PKD1L1: variants seen among roughly 807,000 people sequenced by gnomAD.
PKD1L1 encodes the protein polycystin 1 like 1, transient receptor potential channel interacting.
In PKD1L1, 236 loss-of-function variants were observed where a neutral mutation model predicts 323.4. That is an observed-to-expected ratio of 0.73 (90% CI 0.66 to 0.81). The LOEUF (loss-of-function observed/expected upper bound fraction) is 0.81. Ranked by LOEUF, PKD1L1 falls within the 40% of genes least tolerant of loss-of-function variation. The pLI is 0.00. For missense variants in PKD1L1, 3,320 were observed against 3,508.0 expected, an observed-to-expected ratio of 0.95 and a Z score of 1.35; for synonymous variants, 1,344 against 1,335.0, an observed-to-expected ratio of 1.01 and a Z score of -0.15.
At position 47,866,454 on chromosome 7, in the gene PKD1L1, T is replaced by G; in HGVS notation, c.4057A>C (p.Ile1353Leu). The G allele has an allele frequency of 6.2e-7, 1 of 1,613,696 alleles. No homozygotes were observed. Among genetic ancestry groups the G allele is most frequent in the Non-Finnish European group, 8.5e-7 (1 of 1,179,870 alleles). Residue 1353 changes from isoleucine to leucine, a missense_variant, in exon 25 of 57, where the codon ATT (isoleucine) becomes CTT (leucine). Coordinates refer to ENST00000289672, the MANE Select transcript of PKD1L1 (RefSeq NM_138295.5). ...AAAGCCAATCTGCATACTGAAGAAA[T>G]TAATGCATCCTGTATTCGTGACCAT... ...NQWSRIQDAL[I>L]SSVCRLAFVD...
chr7:47,954,341 A>G, the PKD1L1 span, among the ~76,000 whole-genome samples: 6 of 152,178 alleles, frequency 3.9e-5, no homozygotes, highest in Non-Finnish European at 5.9e-5. Context: ...CATAAGTTAG[A>G]AGCTTGGTCC....
chr7:47,849,386 GAAA>G (rs1785731894), intron 31 of PKD1L1, among the ~76,000 whole-genome samples: 1 of 152,100 alleles, frequency 6.6e-6, no homozygotes. Context: ...CAAAGCAAAA[GAAA>G]TAATCAGCAG....
At position 47,910,826 on chromosome 7, in the gene PKD1L1, T is replaced by TTGTGTGTGTGTGTGTGTGTGTG. The variant is rs60550498; in HGVS notation, c.1229-2598_1229-2577dup. ...TGTCCGCCACCACGCCCAGCTGATT[T>TTGTGTGTGTGTGTGTGTGTGTG]TGTGTGTGTGTGTGTGTGTGTGTGT... On this transcript the variant is annotated intron_variant, in intron 8 of 56. Coordinates refer to ENST00000289672, the MANE Select transcript of PKD1L1 (RefSeq NM_138295.5). 2.2e-3 allele frequency among the ~76,000 whole-genome samples: 273 copies of TTGTGTGTGTGTGTGTGTGTGTG among 126,116 alleles called. 5 individuals carry two copies. Among genetic ancestry groups the TTGTGTGTGTGTGTGTGTGTGTG allele is most frequent in the African/African-American group, 8.0e-3 (241 of 30,042 alleles). 82.7% of individuals were successfully genotyped at this position (126,116 alleles called of 152,430 possible). A position where few individuals can be genotyped will look rare whatever the true frequency, so the allele number is the denominator to read the frequency against.
chr7:47,944,006 GAC>G (rs1220060459), intron 1 of PKD1L1, among the ~76,000 whole-genome samples: 1 of 152,238 alleles, frequency 6.6e-6, no homozygotes, highest in East Asian at 1.9e-4. Context: ...TGCCAGCGCA[GAC>G]ACAGAGTAGG....
chr7:47,868,595 G>T (rs763940023), intron 24 of PKD1L1, among the ~76,000 whole-genome samples: 4 of 151,420 alleles, frequency 2.6e-5, no homozygotes, highest in Non-Finnish European at 4.4e-5. Flanking sequence ...CAGAAAACTG[G>T]CCAGGCGTGG....
intron 50 of PKD1L1, among the ~76,000 whole-genome samples, chr7:47,810,300 T>C (rs1363877518): frequency 1.3e-5 from 2 of 152,212 alleles, no homozygotes; most frequent in Non-Finnish European, 2.9e-5. Context: ...TGAGCCTTAT[T>C]GGAGCCTGAG....
chr7:47,960,189 A>G, the PKD1L1 span, among the ~76,000 whole-genome samples: 1 of 149,670 alleles, frequency 6.7e-6, no homozygotes, highest in African/African-American at 2.4e-5. Flanking sequence ...GTTAAGAGTC[A>G]TCACCACTCC....
chr7:47,861,873 T>C (rs1786034014), intron 26 of PKD1L1, among the ~76,000 whole-genome samples: 3 of 89,888 alleles, frequency 3.3e-5, no homozygotes, highest in Non-Finnish European at 6.0e-5. Flanking sequence ...AGAGCAAGAC[T>C]CTGTCTCAAA....
At chr7:47,902,639 A>AG in intron 12 of PKD1L1, 128 bp from the exon 13 acceptor site, 1 of 1,172,624 alleles carries the variant, frequency 8.5e-7, no homozygotes, top group South Asian at 1.5e-5. Flanking sequence ...CATGAATAAG[A>AG]ACAGAAGAGT....
chr7:47,843,215 G>A, intron 33 of PKD1L1, 46 bp from the exon 34 acceptor site: 1 of 1,461,884 alleles, frequency 6.8e-7, no homozygotes, highest in African/African-American at 1.4e-5. Context: ...CATGAAAATA[G>A]ACATATAGGA....
At chr7:47,947,581 T>C (rs983919844) in intron 1 of PKD1L1, among the ~76,000 whole-genome samples, 6 of 152,216 alleles carry the variant, frequency 3.9e-5, no homozygotes, top group Admixed American at 3.3e-4. Context: ...CACACTGCCA[T>C]GAGACAGTCA....
At chr7:47,883,714 G>T (rs1361445321) in intron 19 of PKD1L1, among the ~76,000 whole-genome samples, 1 of 152,236 alleles carries the variant, frequency 6.6e-6, no homozygotes, top group Non-Finnish European at 1.5e-5. Context: ...AGCTGAGGAG[G>T]ACTGTTGAAG....
intron 6 of PKD1L1, 152 bp from the exon 7 acceptor site, chr7:47,929,678 G>A: frequency 1.4e-6 from 1 of 705,152 alleles, no homozygotes. Context: ...TTCTCAGAGT[G>A]GGGTCCCAGG....
Position 47,904,604 on chromosome 7 carries a change from C to T in PKD1L1, c.1705G>A (p.Val569Ile). Residue 569 changes from valine to isoleucine, a missense_variant, in exon 12 of 57, where the codon GTT becomes ATT. Coordinates refer to ENST00000289672, the MANE Select transcript of PKD1L1 (RefSeq NM_138295.5). Reference sequence around the variant, plus strand: ...CTGCTCATCCTGTTGGAAGCCTTAACCATCACACGATACCTGCAGGATGGG... The same window carrying T: ...CTGCTCATCCTGTTGGAAGCCTTAATCATCACACGATACCTGCAGGATGGG... ...LSIPQWYRVM[V>I]KASNRMSSVV... 1.2e-6 allele frequency: 2 copies of T among 1,612,838 alleles called. No individual in the cohort carries two copies. The highest frequency in any genetic ancestry group is 1.7e-6 in the Non-Finnish European group (2 of 1,179,078).
intron 55 of PKD1L1, among the ~76,000 whole-genome samples, chr7:47,793,908 T>G (rs1234326641): frequency 6.6e-6 from 1 of 152,136 alleles, no homozygotes; most frequent in African/African-American, 2.4e-5. Context: ...TCCTGTTATG[T>G]TTTAGCAAGA....
rs375948406 is a variant in PKD1L1, at chr7:47,839,429, A to G, written c.5769+17T>C. 2.0e-4 allele frequency: 315 copies of G among 1,591,816 alleles called. No homozygotes were observed. Among genetic ancestry groups the G allele is most frequent in the Non-Finnish European group, 2.6e-4 (303 of 1,166,950 alleles). ...TCAGCCAGGTGCGCCACGAGAGGCC[A>G]CCTGGAGGGAGCCTACCTTCCGGAA... On this transcript the variant is annotated intron_variant, in intron 36 of 56. Coordinates refer to ENST00000289672, the MANE Select transcript of PKD1L1 (RefSeq NM_138295.5). This position sits in a 1 kb window ranked among gnomAD's most constrained non-coding sequence, Gnocchi z 4.3.
chr7:47,939,282 AG>A (rs1422930971), intron 3 of PKD1L1, among the ~76,000 whole-genome samples: 6 of 152,138 alleles, frequency 3.9e-5, no homozygotes, highest in Non-Finnish European at 8.8e-5. Flanking sequence ...TGTGCTACGG[AG>A]GGGGTGGTTT....
intron 17 of PKD1L1, among the ~76,000 whole-genome samples, chr7:47,887,502 T>C (rs1346793273): frequency 2.0e-5 from 3 of 152,200 alleles, no homozygotes; most frequent in Non-Finnish European, 4.4e-5. Flanking sequence ...TGTGAAATAG[T>C]AGGATCCTCA....
At chr7:47,927,230 T>G (rs1335331324) in intron 7 of PKD1L1, among the ~76,000 whole-genome samples, 1 of 149,614 alleles carries the variant, frequency 6.7e-6, no homozygotes, top group Non-Finnish European at 1.5e-5. Context: ...AAACTATAAG[T>G]AAAACCAAAA....
Sources: gnomAD v4.1 joint callset for allele counts (sites outside exome capture counted in the v4.1 genomes callset) on GRCh38, gnomAD v4.1.1 for gene constraint, Gnocchi (gnomAD v3.1) non-coding constraint, MANE v1.5 for transcripts, NCBI Gene and HGNC (gene_info 2026-07-23, HGNC 2026-07-21) for gene names.